PIGT: variants seen among roughly 807,000 people sequenced by gnomAD.
PIGT encodes the protein GPI-anchor transamidase component PIGT.
A neutral mutation model predicts 66.7 loss-of-function variants in PIGT; 57 were observed. The observed-to-expected ratio is 0.86, with a 90% CI of 0.69 to 1.07. The LOEUF (loss-of-function observed/expected upper bound fraction) is 1.07. PIGT is among the 50% of genes least tolerant of loss of function. PIGT has a pLI of 0.00. For synonymous variants in PIGT, 362 were observed against 320.5 expected (o/e 1.13, Z -1.38); for missense variants, 725 against 740.4 (o/e 0.98, Z 0.24).
At position 45,424,747 on chromosome 20, in the gene PIGT, G is replaced by A. The variant is rs945988952; in HGVS notation, c.1484+168G>A. On this transcript the variant is annotated intron_variant, in intron 11 of 11. Coordinates refer to ENST00000279036, the MANE Select transcript of PIGT (RefSeq NM_015937.6). ...AATCCTGGCAGTCTGTGGAATTTGT[G>A]AAGACTTTATAAAATGATTTTAAAG... is the stretch of plus-strand genomic sequence containing the variant. The A allele has an allele frequency of 7.4e-5, 45 of 607,644 alleles. No homozygotes were observed. In the African/African-American group the frequency reaches 8.1e-4, roughly 11 times the overall value. 37.6% of individuals were successfully genotyped at this position (607,644 alleles called of 1,614,324 possible).
chr20:45,418,293 T>C lies in PIGT; in HGVS notation c.366-559T>C, dbSNP rs1204527378. 5 of 183,852 alleles carry C rather than the reference T, an allele frequency of 2.7e-5. No homozygotes were observed. In the East Asian group the frequency reaches 8.0e-4, roughly 29 times the overall value. 11.4% of individuals were successfully genotyped at this position (183,852 alleles called of 1,614,324 possible). On this transcript the variant is annotated intron_variant, in intron 2 of 11. Coordinates refer to ENST00000279036, the MANE Select transcript of PIGT (RefSeq NM_015937.6). ...CATTCAAGGAAGATCAGTGAGCTCA[T>C]TTCAGCTCTGATACATGAGGCGCTT...
In PIGT at chr20:45,425,819, C is replaced by T. The variant is rs111410446; in HGVS notation, c.1730C>T (p.Pro577Leu). The T allele has an allele frequency of 4.3e-5, 70 of 1,613,202 alleles. No homozygotes were observed. The highest frequency in any genetic ancestry group is 1.7e-4 in the African/African-American group (13 of 75,056). ...ATCCGGCGCGCCCGAGGTGTCCCCC[C>T]ACTCTGATTCTTGCCCTTTCCAGCA... The part of the protein sequence containing the change: ...NLIRRARGVP[P>L]L Residue 577 changes from proline (P) to leucine (L), a missense_variant, in exon 12 of 12, where the codon CCA becomes CTA. Physicochemically the swap from Pro to Leu is moderately conservative, Grantham distance 98. Coordinates refer to ENST00000279036, the MANE Select transcript of PIGT (RefSeq NM_015937.6).
rs756261965 is a variant in PIGT at position 45,419,411 on chromosome 20, C to T, written c.594+16C>T. ...TAGTTCCAAGGTGAGGCCGCAGAGC[C>T]TGGCAGCCGGGGGCGGGGGGTGTAT... On this transcript the variant is annotated intron_variant, in intron 4 of 11. Coordinates refer to ENST00000279036, the MANE Select transcript of PIGT (RefSeq NM_015937.6). 1 of 1,586,196 alleles carries T rather than the reference C, an allele frequency of 6.3e-7. No homozygotes were observed. Among genetic ancestry groups the T allele is most frequent in the Non-Finnish European group, 8.6e-7 (1 of 1,167,520 alleles).
At chr20:45,416,752 G>A in intron 2 of PIGT, 58 bp downstream of exon 2, 1 of 1,471,048 alleles carries the variant, frequency 6.8e-7, no homozygotes, top group Non-Finnish European at 9.2e-7. Context: ...CTGGGAGAGT[G>A]TTGTCATCCT....
intron 2 of PIGT, 72 bp downstream of exon 2, chr20:45,416,766 A>G (rs1164539167): frequency 3.6e-6 from 5 of 1,405,656 alleles, no homozygotes; most frequent in African/African-American, 1.4e-5. Context: ...TCATCCTGCC[A>G]CTGCTCTTGG....
chr20:45,419,847 G>A (rs568232935), intron 5 of PIGT: 167 of 599,920 alleles, frequency 2.8e-4, no homozygotes, highest in African/African-American at 2.5e-3. Flanking sequence ...GCCAGCTGGC[G>A]TAACCTTGGG....
At chr20:45,423,959 T>C (rs1325354792) in intron 9 of PIGT, 3 of 487,132 alleles carry the variant, frequency 6.2e-6, no homozygotes, top group Non-Finnish European at 1.1e-5. Flanking sequence ...GGTGCCCCAG[T>C]TGTAGTGATG....
At chr20:45,418,464 G>A in intron 2 of PIGT, 1 of 288,630 alleles carries the variant, frequency 3.5e-6, no homozygotes, top group Non-Finnish European at 6.7e-6. Flanking sequence ...TAAGATGCTT[G>A]GATGGTCAGA....
chr20:45,417,240 G>T (rs1028306), intron 2 of PIGT: 1 of 152,118 alleles, frequency 6.6e-6, no homozygotes, highest in Non-Finnish European at 1.5e-5. Flanking sequence ...CACAGGTAAG[G>T]AATGAATAAA....
chr20:45,425,593 T>C lies in PIGT; in HGVS notation c.1504T>C (p.Ser502Pro), dbSNP rs1990695161. The change falls in exon 12 of 12, where the codon TCT (serine) becomes CCT (proline). Residue 502 changes from serine to proline, a missense_variant. By Grantham distance (74) the Ser-to-Pro change is moderately conservative (BLOSUM62 -1). Coordinates refer to ENST00000279036, the MANE Select transcript of PIGT (RefSeq NM_015937.6). ...FNSLFPVSDG[S>P]NYFVRLYTEP... is the part of the protein sequence containing the mutation. ...CCCCAGGTTCCCAGTCTCTGATGGC[T>C]CTAACTACTTTGTGCGGCTCTACAC... 1 of 1,613,638 alleles carries C rather than the reference T, an allele frequency of 6.2e-7. No individual in the cohort carries two copies. Among genetic ancestry groups the C allele is most frequent in the African/African-American group, 1.3e-5 (1 of 74,806 alleles).
At chr20:45,420,804 G>A (rs1419459700) in intron 8 of PIGT, 111 bp downstream of exon 8, 1 of 1,118,886 alleles carries the variant, frequency 8.9e-7, no homozygotes, top group African/African-American at 1.5e-5. Context: ...CAGATTTCCA[G>A]AGTCATATGC....
intron 9 of PIGT, chr20:45,422,343 A>G (rs992261705): frequency 3.3e-5 from 5 of 152,130 alleles, no homozygotes; most frequent in Non-Finnish European, 5.9e-5. Flanking sequence ...TGCATATTCT[A>G]TAGGTTTTTC....
At chr20:45,421,257 G>C in intron 8 of PIGT, 126 bp from the exon 9 acceptor site, 1 of 705,580 alleles carries the variant, frequency 1.4e-6, no homozygotes, top group Non-Finnish European at 2.2e-6. Context: ...AGATTGCCCA[G>C]TTTCAGTGGC....
At chr20:45,421,355 T>C (rs781371690) in intron 8 of PIGT, 28 bp from the exon 9 acceptor site, 1 of 1,594,052 alleles carries the variant, frequency 6.3e-7, no homozygotes, top group Admixed American at 1.7e-5. Context: ...CTTTGGCAGC[T>C]GTTAACTGTT....
Position 45,420,358 on chromosome 20 carries a change from C to G in PIGT, c.796C>G (p.Arg266Gly). 2 of 1,613,402 alleles carry G rather than the reference C, an allele frequency of 1.2e-6. No individual in the cohort carries two copies. The highest frequency in any genetic ancestry group is 1.7e-6 in the Non-Finnish European group (2 of 1,179,778). Residue 266 changes from arginine to glycine, a missense_variant, in exon 7 of 12, where the codon CGA becomes GGA. Physicochemically the swap from Arg to Gly is moderately radical, Grantham distance 125. This residue lies in a region of PIGT where 559 missense variants were observed against 552.7 expected (regional missense o/e 1.01). Coordinates refer to ENST00000279036, the MANE Select transcript of PIGT (RefSeq NM_015937.6). Reference sequence around the variant, plus strand: ...CTGGTCCCTCTTCCGGATGTTCTCCCGAACCCTCACGGAGCCCTGCCCCCT... The same window carrying G: ...CTGGTCCCTCTTCCGGATGTTCTCCGGAACCCTCACGGAGCCCTGCCCCCT... ...KDWSLFRMFS[R>G]TLTEPCPLAS...
intron 8 of PIGT, 66 bp downstream of exon 8, chr20:45,420,759 G>A (rs567650198): frequency 5.3e-6 from 8 of 1,507,444 alleles, no homozygotes; most frequent in East Asian, 4.5e-5. Flanking sequence ...ACAATCCCAC[G>A]TCTTTGCCGT....
chr20:45,418,080 T>C (rs556520493), intron 2 of PIGT: 11 of 152,612 alleles, frequency 7.2e-5, no homozygotes, highest in African/African-American at 2.4e-4. Flanking sequence ...AAATCTCTTT[T>C]GATATTTCTC....
chr20:45,417,416 G>A (rs1014374500), intron 2 of PIGT: 3 of 152,182 alleles, frequency 2.0e-5, no homozygotes, highest in African/African-American at 7.2e-5. Context: ...ACATTCTAAC[G>A]AGGACAGCTC....
intron 5 of PIGT, 168 bp from the exon 6 acceptor site, chr20:45,419,968 C>T (rs1319690546): frequency 1.6e-6 from 1 of 619,314 alleles, no homozygotes; most frequent in African/African-American, 1.8e-5. Flanking sequence ...GCACATACAG[C>T]TGTCAGCACG....
Sources: allele counts gnomAD v4.1 joint callset, GRCh38; gene constraint gnomAD v4.1.1; regional missense constraint gnomAD v4.1.1; transcripts MANE v1.5; gene names NCBI Gene and HGNC (gene_info 2026-07-23, HGNC 2026-07-21).